ADGRL2: variants seen among roughly 807,000 people sequenced by gnomAD.
ADGRL2 encodes the protein calcium-independent alpha-latrotoxin receptor 2.
ADGRL2 carries 44 observed loss-of-function variants against 157.4 expected under a neutral mutation model. That is an observed-to-expected ratio of 0.28 (90% CI 0.22 to 0.36). ADGRL2 has a LOEUF of 0.36. Among genes scored for constraint, ADGRL2 ranks in the 10% least tolerant of loss-of-function variants. The probability of loss-of-function intolerance (pLI) is 1.00; values close to 1 mark genes in which losing one functional copy is unlikely to be tolerated. For missense variants in ADGRL2, 1,510 were observed against 1,768.9 expected (o/e 0.85, Z 2.63); for synonymous variants, 585 against 624.7 (o/e 0.94, Z 0.95).
chr1:81,821,468 T>C (rs2149859188), intron 1 of ADGRL2, among the ~76,000 whole-genome samples: 1 of 152,276 alleles, frequency 6.6e-6, no homozygotes, highest in Non-Finnish European at 1.5e-5. Flanking sequence ...ATGATAGTTT[T>C]TCTTTGGTGG....
In ADGRL2 at chr1:81,970,861, T is replaced by A. The variant is rs59740061; in HGVS notation, c.2954+327T>A. Among the ~76,000 whole-genome samples, 834 of 152,298 alleles carry A rather than the reference T, an allele frequency of 5.5e-3. 6 individuals carry two copies. Among genetic ancestry groups the A allele is most frequent in the African/African-American group, 0.019 (806 of 41,566 alleles). ...TCTGAACTTAAAGCTTCTGACAGGT[T>A]TAACTACTCAGTGTTAAGCTAATGC... On this transcript the variant is annotated intron_variant, in intron 16 of 23. Coordinates refer to ENST00000686636, the MANE Select transcript of ADGRL2 (RefSeq NM_001366006.2).
At chr1:81,648,267 G>C (rs560292387) in intron 3 of ADGRL2, among the ~76,000 whole-genome samples, 1 of 152,134 alleles carries the variant, frequency 6.6e-6, no homozygotes, top group African/African-American at 2.4e-5. Context: ...CAGAGGATTA[G>C]AACCACAGGA....
chr1:81,928,291 A>G (rs1266052455), intron 3 of ADGRL2, among the ~76,000 whole-genome samples: 1 of 152,140 alleles, frequency 6.6e-6, no homozygotes, highest in East Asian at 1.9e-4. Context: ...TTGATGATAC[A>G]AGACTATATC....
intron 3 of ADGRL2, among the ~76,000 whole-genome samples, chr1:81,929,239 G>A (rs746731523): frequency 1.3e-4 from 20 of 152,116 alleles, no homozygotes; most frequent in Non-Finnish European, 2.4e-4. Context: ...TCAAGAAGAA[G>A]CTTCAATTGA....
intron 3 of ADGRL2, chr1:81,596,102 C>T: frequency 2.9e-6 from 1 of 340,046 alleles, no homozygotes; most frequent in Admixed American, 3.5e-5. Flanking sequence ...GAACTAGGAT[C>T]TTTTTTTTTT....
chr1:81,625,023 G>A (rs2081881054), intron 3 of ADGRL2, among the ~76,000 whole-genome samples: 1 of 152,104 alleles, frequency 6.6e-6, no homozygotes, highest in Non-Finnish European at 1.5e-5. Context: ...GTGTCTTTCT[G>A]GGAGAGTTCA....
rs534219771 is a variant in ADGRL2 at position 81,553,862 on chromosome 1, A to C, written c.-247-27014A>C. ...CCAGAGAGAGGCAAAAGCTACTAGC[A>C]GTGGGATATATACCTGCAGATGATG... On this transcript the variant is annotated intron_variant, in intron 2 of 24. Transcript: ENST00000370721. Among the ~76,000 whole-genome samples, 8 of 152,346 alleles carry C rather than the reference A, an allele frequency of 5.3e-5. No individual in the cohort carries two copies. In the East Asian group the frequency reaches 1.3e-3, roughly 26 times the overall value.
At chr1:81,420,520 A>G (rs1035523066) in intron 1 of ADGRL2, among the ~76,000 whole-genome samples, 2 of 152,246 alleles carry the variant, frequency 1.3e-5, no homozygotes, top group East Asian at 3.8e-4. Context: ...TCAGCTCAGC[A>G]TGATTTTTCA....
intron 3 of ADGRL2, among the ~76,000 whole-genome samples, chr1:81,606,824 A>G (rs138325507): frequency 1.3e-5 from 2 of 151,728 alleles, no homozygotes; most frequent in East Asian, 3.9e-4. Flanking sequence ...TTATTTGTTT[A>G]TTCATTTGTG....
intron 1 of ADGRL2, among the ~76,000 whole-genome samples, chr1:81,802,018 C>G (rs1451106860): frequency 6.6e-6 from 1 of 151,130 alleles, no homozygotes; most frequent in Non-Finnish European, 1.5e-5. Flanking sequence ...CGGCTGGAGG[C>G]GGCGGCGGCC....
Position 81,950,312 on chromosome 1 carries a change from G to T in ADGRL2, c.1334G>T (p.Ser445Ile), listed in dbSNP as rs1488525752. ...ACTGTAGCTGGATCACAGGAAGGAA[G>T]CAAAGGGACAAAACCACCTCCAGCA... ...STTVAGSQEG[S>I]KGTKPPPAVS... The change falls in exon 7 of 24, where the codon AGC becomes ATC. Residue 445 changes from serine to isoleucine, a missense_variant. Around this residue, in one of 4 missense-constraint regions of ADGRL2, gnomAD observed 325 missense variants for 333.2 expected, o/e 0.98. Transcript: ENST00000686636. 2 of 1,614,002 alleles carry T rather than the reference G, an allele frequency of 1.2e-6. No homozygotes were observed. Among genetic ancestry groups the T allele is most frequent in the Non-Finnish European group, 1.7e-6 (2 of 1,179,938 alleles).
chr1:81,822,871 CCTTT>C lies in ADGRL2; in HGVS notation c.-100-14011_-100-14008del, dbSNP rs149293276. 6.7e-3 allele frequency among the ~76,000 whole-genome samples: 1,013 copies of C among 151,942 alleles called. 4 individuals carry two copies. Among genetic ancestry groups the C allele is most frequent in the African/African-American group, 0.021 (891 of 41,454 alleles). ...ATTTTGTTTCTGCAGTAATTATGGG[CCTTT>C]CTATTTCTTCATTTTTATAATGAGG... On this transcript the variant is annotated intron_variant, in intron 1 of 23. Transcript: ENST00000686636.
In ADGRL2 at chr1:81,990,818, T is replaced by C; in HGVS notation, c.4083T>C (p.Tyr1361=). The C allele has an allele frequency of 5.0e-6, 8 of 1,614,078 alleles. No individual in the cohort carries two copies. Among genetic ancestry groups the C allele is most frequent in the Non-Finnish European group, 6.8e-6 (8 of 1,179,990 alleles). ...KKVKSEGTDS[Y]VSQLTAEAED... is the part of the protein sequence containing the mutation. ...TGAAGTCCGAGGGAACTGACAGCTA[T>C]GTCTCCCAACTGACAGCAGAGGCTG... Residue 1361 remains tyrosine (Y), a synonymous_variant, in exon 24 of 24, where the codon TAT becomes TAC. Transcript: ENST00000686636.
At chr1:81,418,728 T>A (rs2077076148) in intron 1 of ADGRL2, among the ~76,000 whole-genome samples, 1 of 152,224 alleles carries the variant, frequency 6.6e-6, no homozygotes, top group Non-Finnish European at 1.5e-5. Flanking sequence ...CACTCCAGCC[T>A]GGACGACAGA....
At chr1:81,388,133 G>A (rs1269958704) in intron 1 of ADGRL2, among the ~76,000 whole-genome samples, 2 of 152,022 alleles carry the variant, frequency 1.3e-5, no homozygotes, top group East Asian at 3.9e-4. Context: ...TTTAATTATA[G>A]CAATAATAGT....
chr1:81,409,221 G>A (rs981173367), intron 1 of ADGRL2, among the ~76,000 whole-genome samples: 27 of 151,968 alleles, frequency 1.8e-4, no homozygotes, highest in African/African-American at 6.5e-4. Context: ...TGGTGCATCC[G>A]CTACTAAAAT....
intron 3 of ADGRL2, among the ~76,000 whole-genome samples, chr1:81,592,164 G>A (rs1036063823): frequency 3.3e-5 from 5 of 152,140 alleles, no homozygotes. Context: ...CAGAGACATT[G>A]CATCAGCTAC....
At chr1:81,661,579 T>A (rs1422088144) in intron 3 of ADGRL2, among the ~76,000 whole-genome samples, 2 of 152,150 alleles carry the variant, frequency 1.3e-5, no homozygotes, top group Non-Finnish European at 2.9e-5. Flanking sequence ...AAAACTTTTT[T>A]AAAAAATGAC....
At chr1:81,550,161 AG>A (rs2080111978) in intron 2 of ADGRL2, among the ~76,000 whole-genome samples, 1 of 152,210 alleles carries the variant, frequency 6.6e-6, no homozygotes, top group African/African-American at 2.4e-5. Flanking sequence ...GGAAGATGCC[AG>A]TCAATGCCTT....
Sources: gnomAD v4.1 joint callset for allele counts (sites outside exome capture counted in the v4.1 genomes callset) on GRCh38, gnomAD v4.1.1 for gene constraint, gnomAD v4.1.1 regional missense constraint, MANE v1.5 for transcripts, NCBI Gene and HGNC (gene_info 2026-07-23, HGNC 2026-07-21) for gene names.